The following RUBCNL variants were observed in gnomAD, a reference collection of about 807,000 sequenced individuals.
The protein encoded by RUBCNL is rubicon like autophagy enhancer.
RUBCNL carries 62 observed loss-of-function variants against 69.5 expected under a neutral mutation model. The observed-to-expected ratio is 0.89, with a 90% CI of 0.73 to 1.10. RUBCNL has a LOEUF of 1.10. Ranked by LOEUF, RUBCNL falls within the 50% of genes least tolerant of loss-of-function variation. RUBCNL has a pLI of 0.00. For missense variants in RUBCNL, 768 were observed against 798.1 expected, an observed-to-expected ratio of 0.96 and a Z score of 0.45; for synonymous variants, 291 against 303.6, an observed-to-expected ratio of 0.96 and a Z score of 0.43.
At chr13:46,359,287 C>T (rs2048558214) in intron 9 of RUBCNL, among the ~76,000 whole-genome samples, 199 bp downstream of exon 9, 1 of 151,640 alleles carries the variant, frequency 6.6e-6, no homozygotes, top group African/African-American at 2.4e-5. Context: ...TTACAGAGCC[C>T]CCAAAAGTCC....
rs1481601237 is a variant in RUBCNL at position 46,349,325 on chromosome 13, T to A, written c.1592A>T (p.His531Leu). The A allele has an allele frequency of 6.2e-7, 1 of 1,613,774 alleles. No individual in the cohort carries two copies. Among genetic ancestry groups the A allele is most frequent in the Admixed American group, 1.7e-5 (1 of 60,002 alleles). Residue 531 changes from histidine to leucine, a missense_variant, in exon 12 of 15, where the codon CAT becomes CTT. Physicochemically the swap from His to Leu is moderately conservative, Grantham distance 99 (BLOSUM62 -3). Transcript: ENST00000429979. ...ACAGGTCTTCAACAGCTTCTTGATA[T>A]GGAAGAGCTGCTCCTGAATTTCCTA... Reference protein sequence around the residue: ...RVKEIQEQLFHIKKLLKTCRF... With the variant: ...RVKEIQEQLFLIKKLLKTCRF...
rs774383604 is a variant in RUBCNL at position 46,377,974 on chromosome 13, C to A, written c.-207G>T. The stretch of plus-strand genomic sequence containing the variant: ...ACCATCAAAGTCCATGCAGTAGTGA[C>A]AGGAGGTCAATATCCCCATTTTTTA... On this transcript the variant is annotated 5_prime_UTR_variant, in exon 2 of 15. Coordinates refer to ENST00000429979, the MANE Select transcript of RUBCNL (RefSeq NM_025113.5). 16 of 1,591,032 alleles carry A rather than the reference C, an allele frequency of 1.0e-5. No homozygotes were observed. The highest frequency in any genetic ancestry group is 4.5e-5 in the East Asian group (2 of 44,442).
chr13:46,385,146 G>A (rs986305909), intron 1 of RUBCNL: 23 of 302,688 alleles, frequency 7.6e-5, no homozygotes, highest in Non-Finnish European at 1.1e-4. Flanking sequence ...ATTGTAGCAC[G>A]TGTATCAGTC....
At chr13:46,349,419 T>C (rs2048321259) in intron 11 of RUBCNL, 72 bp from the exon 12 acceptor site, 7 of 1,396,470 alleles carry the variant, frequency 5.0e-6, no homozygotes, top group African/African-American at 1.4e-5. Context: ...AAGTCAAATT[T>C]AAATGTTATT....
At chr13:46,360,582 G>A (rs968152931) in intron 8 of RUBCNL, among the ~76,000 whole-genome samples, 3 of 152,138 alleles carry the variant, frequency 2.0e-5, no homozygotes, top group Non-Finnish European at 4.4e-5. Context: ...CTTTCTACCT[G>A]CCACAGTTCT....
In RUBCNL at chr13:46,345,528, C is replaced by T. The variant is rs907523696; in HGVS notation, c.1704G>A (p.Leu568=). 3 of 1,612,572 alleles carry T rather than the reference C, an allele frequency of 1.9e-6. No homozygotes were observed. Among genetic ancestry groups the T allele is most frequent in the Non-Finnish European group, 2.5e-6 (3 of 1,179,356 alleles). ...CCAGCAGCCCTTTCTTGATCCTGAC[C>T]AGGTCCTCAAGGGAGAACAGGTGGA... is the stretch of plus-strand genomic sequence containing the variant. ...DELHLFSLED[L]VRIKKGLLAP... The change falls in exon 13 of 15, where the codon CTG becomes CTA. Residue 568 remains leucine (L), a synonymous_variant. Coordinates refer to ENST00000429979, the MANE Select transcript of RUBCNL (RefSeq NM_025113.5).
intron 10 of RUBCNL, among the ~76,000 whole-genome samples, chr13:46,352,114 C>T (rs1375879152): frequency 2.0e-5 from 3 of 152,204 alleles, no homozygotes; most frequent in African/African-American, 7.2e-5. Flanking sequence ...AGGCGTGAGC[C>T]ACCACGCCCA....
intron 2 of RUBCNL, among the ~76,000 whole-genome samples, chr13:46,377,528 C>T (rs529716049): frequency 1.6e-4 from 24 of 152,280 alleles, no homozygotes; most frequent in Admixed American, 5.9e-4. Context: ...CCTTCCAAAG[C>T]GCTGGATTGC....
chr13:46,387,617 G>T, upstream of RUBCNL: 1 of 985,328 alleles, frequency 1.0e-6, no homozygotes, highest in Non-Finnish European at 1.2e-6. Context: ...TCATACAATT[G>T]CCTGAAATGA....
Position 46,350,765 on chromosome 13 carries a change from G to A in RUBCNL, c.1331-414C>T, listed in dbSNP as rs111554384. On this transcript the variant is annotated intron_variant, in intron 10 of 14. Transcript: ENST00000429979. ...ACAAAATGCAACTCAGAACTGGATC[G>A]AGTGTTATTACACATAGGAAAAGTG... 286 of 172,142 alleles carry A rather than the reference G, an allele frequency of 1.7e-3. 2 individuals are homozygous for A. Among genetic ancestry groups the A allele is most frequent in the African/African-American group, 6.3e-3 (268 of 42,302 alleles). The allele number at this position is 172,142 out of a possible 1,614,324, so 10.7% of individuals were successfully genotyped here.
At chr13:46,354,615 C>T (rs910389552) in intron 10 of RUBCNL, 30 of 354,510 alleles carry the variant, frequency 8.5e-5, no homozygotes, top group Non-Finnish European at 1.3e-4. Flanking sequence ...TTGCACATGA[C>T]GAACACCCCT....
intron 14 of RUBCNL, 130 bp downstream of exon 14, chr13:46,344,611 T>G: frequency 1.5e-6 from 1 of 668,018 alleles, no homozygotes; most frequent in Admixed American, 2.6e-5. Context: ...CCAGCATGAC[T>G]GTACTTTAAA....
intron 5 of RUBCNL, among the ~76,000 whole-genome samples, chr13:46,366,378 T>A (rs1037442506): frequency 6.6e-6 from 1 of 151,944 alleles, no homozygotes; most frequent in Non-Finnish European, 1.5e-5. Context: ...TGGGTAGAAG[T>A]AGGTAGGCTA....
chr13:46,378,035 C>T (rs2049035460), intron 1 of RUBCNL, 30 bp from the exon 2 acceptor site: 2 of 1,177,408 alleles, frequency 1.7e-6, no homozygotes, highest in East Asian at 5.2e-5. Context: ...TTGCCAGATG[C>T]TATGATACCA....
intron 10 of RUBCNL, among the ~76,000 whole-genome samples, chr13:46,355,318 G>A (rs904137150): frequency 1.6e-4 from 24 of 148,092 alleles, no homozygotes; most frequent in South Asian, 6.5e-4. Flanking sequence ...TTTTTGAGAC[G>A]GAGTCTCACT....
intron 1 of RUBCNL, among the ~76,000 whole-genome samples, chr13:46,384,885 G>A (rs1270268250): frequency 6.6e-6 from 1 of 152,186 alleles, no homozygotes; most frequent in African/African-American, 2.4e-5. Context: ...GAAGTAAAGT[G>A]ATGACCACAT....
chr13:46,351,878 G>A (rs2138700458), intron 10 of RUBCNL, among the ~76,000 whole-genome samples: 1 of 149,966 alleles, frequency 6.7e-6, no homozygotes, highest in Non-Finnish European at 1.5e-5. Flanking sequence ...GCCCAGGCTG[G>A]AGTGCAGTGG....
chr13:46,343,131 T>C lies in RUBCNL; in HGVS notation c.*254A>G, dbSNP rs1432180924. On this transcript the variant is annotated 3_prime_UTR_variant, in exon 15 of 15. Coordinates refer to ENST00000429979, the MANE Select transcript of RUBCNL (RefSeq NM_025113.5). ...ACATAACTATTCAAATACAAAAGTA[T>C]AAAAAACCTCTTTAAAAAACCAATA... 3.6e-6 allele frequency: 2 copies of C among 562,704 alleles called. No individual in the cohort carries two copies. Among genetic ancestry groups the C allele is most frequent in the Non-Finnish European group, 3.0e-6 (1 of 329,036 alleles). The allele number at this position is 562,704 out of a possible 1,614,324, so 34.9% of individuals were successfully genotyped here.
At chr13:46,365,986 A>G (rs2048746206) in intron 5 of RUBCNL, among the ~76,000 whole-genome samples, 1 of 152,240 alleles carries the variant, frequency 6.6e-6, no homozygotes, top group Non-Finnish European at 1.5e-5. Context: ...CGGGCCAGGT[A>G]AGGGATAGAA....
Sources: gnomAD v4.1 joint callset for allele counts (sites outside exome capture counted in the v4.1 genomes callset) on GRCh38, gnomAD v4.1.1 for gene constraint, MANE v1.5 for transcripts, NCBI Gene and HGNC (gene_info 2026-07-23, HGNC 2026-07-21) for gene names.